Variants in LITAF observed in about 807,000 individuals in gnomAD.
LITAF encodes the protein lipopolysaccharide-induced tumor necrosis factor-alpha factor.
Under a neutral mutation model 14.5 loss-of-function variants are expected in LITAF, and 9 were observed. That is an observed-to-expected ratio of 0.62 (90% CI 0.37 to 1.08). The LOEUF (loss-of-function observed/expected upper bound fraction) is 1.08. Ranked by LOEUF, LITAF falls within the 50% of genes least tolerant of loss-of-function variation. LITAF has a pLI of 0.01. For synonymous variants in LITAF, 98 were observed against 88.2 expected (o/e 1.11, Z -0.62); for missense variants, 206 against 213.4 (o/e 0.97, Z 0.22).
intron 1 of LITAF, among the ~76,000 whole-genome samples, chr16:11,580,738 TGCCTCC>T (rs1189598848): frequency 2.0e-5 from 3 of 152,170 alleles, no homozygotes; most frequent in Non-Finnish European, 4.4e-5. Context: ...TATCACCACC[TGCCTCC>T]AGGAGCCCCA....
intron 1 of LITAF, among the ~76,000 whole-genome samples, chr16:11,570,638 G>A (rs1347920865): frequency 6.6e-6 from 1 of 152,144 alleles, no homozygotes; most frequent in African/African-American, 2.4e-5. Context: ...GAGATGAGGG[G>A]GTTATTCTGG....
At chr16:11,593,662 A>G (rs1197617494) in intron 1 of LITAF, among the ~76,000 whole-genome samples, 1 of 152,214 alleles carries the variant, frequency 6.6e-6, no homozygotes, top group Non-Finnish European at 1.5e-5. Flanking sequence ...GAATTGAATG[A>G]TTTGGCCATA....
chr16:11,593,192 AT>A (rs2064858380), intron 1 of LITAF, among the ~76,000 whole-genome samples: 2 of 150,696 alleles, frequency 1.3e-5, no homozygotes, highest in South Asian at 4.2e-4. Context: ...ATAAATAAAA[AT>A]AAAAATACAA....
At chr16:11,614,051 T>C (rs1263173483) in intron 3 of LITAF, among the ~76,000 whole-genome samples, 2 of 152,174 alleles carry the variant, frequency 1.3e-5, no homozygotes, top group Admixed American at 6.5e-5. Flanking sequence ...GTTGTGCCCA[T>C]TGTACAGACG....
At chr16:11,623,349 G>A (rs2065062918) in intron 3 of LITAF, among the ~76,000 whole-genome samples, 1 of 151,920 alleles carries the variant, frequency 6.6e-6, no homozygotes, top group East Asian at 1.9e-4. Context: ...CTGAATCCAG[G>A]AGCACAAATG....
intron 3 of LITAF, among the ~76,000 whole-genome samples, chr16:11,619,010 CAAA>C (rs1056871069): frequency 6.7e-6 from 1 of 148,912 alleles, no homozygotes; most frequent in Non-Finnish European, 1.5e-5. Context: ...AACAAACAAA[CAAA>C]AAAAACCCCA....
At chr16:11,566,635 CAT>C (rs771328517) in intron 1 of LITAF, among the ~76,000 whole-genome samples, 11 of 152,180 alleles carry the variant, frequency 7.2e-5, no homozygotes, top group South Asian at 4.1e-4. Context: ...CGTGATGGCA[CAT>C]GTCTATAGTC....
intron 1 of LITAF, chr16:11,561,091 G>A (rs1192745545): frequency 2.6e-5 from 4 of 152,306 alleles, no homozygotes; most frequent in African/African-American, 9.6e-5. Flanking sequence ...CGCCGTCACA[G>A]CCCCAGACCC....
chr16:11,594,446 C>G (rs2141854696), intron 1 of LITAF, among the ~76,000 whole-genome samples: 1 of 152,184 alleles, frequency 6.6e-6, no homozygotes, highest in Middle Eastern at 3.4e-3. Flanking sequence ...TGGGTGTACT[C>G]TGAAACTTCA....
intron 3 of LITAF, chr16:11,629,323 A>T (rs1355197528): frequency 6.6e-6 from 1 of 152,302 alleles, no homozygotes. Context: ...TGTGATGGAG[A>T]TGTGGGTGCA....
At chr16:11,585,931 C>A (rs1303239682) in intron 1 of LITAF, among the ~76,000 whole-genome samples, 1 of 152,216 alleles carries the variant, frequency 6.6e-6, no homozygotes, top group Admixed American at 6.5e-5. Flanking sequence ...GTCCAACTAG[C>A]CTGGTCCCTG....
At chr16:11,578,853 GA>G (rs1253240494) in intron 1 of LITAF, among the ~76,000 whole-genome samples, 4 of 152,208 alleles carry the variant, frequency 2.6e-5, no homozygotes, top group Non-Finnish European at 5.9e-5. Flanking sequence ...GCAAGACTGA[GA>G]AACTAACATA....
At chr16:11,552,120 T>G (rs868862549) in intron 3 of LITAF, among the ~76,000 whole-genome samples, 1 of 152,120 alleles carries the variant, frequency 6.6e-6, no homozygotes, top group African/African-American at 2.4e-5. Flanking sequence ...TTGTTCCTTC[T>G]CAACCTCAAG....
intron 1 of LITAF, among the ~76,000 whole-genome samples, chr16:11,582,372 G>A (rs1481280024): frequency 6.6e-6 from 1 of 150,632 alleles, no homozygotes; most frequent in Non-Finnish European, 1.5e-5. Flanking sequence ...ACATGTGGGT[G>A]GTAAACTCTT....
chr16:11,613,717 A>C (rs181316931), intron 3 of LITAF, among the ~76,000 whole-genome samples: 90 of 152,266 alleles, frequency 5.9e-4, no homozygotes, highest in African/African-American at 2.1e-3. Context: ...AGCCGGACGG[A>C]GGGTGTGGCG....
upstream of LITAF, among the ~76,000 whole-genome samples, chr16:11,637,904 A>AC (rs2065144741): frequency 1.6e-5 from 1 of 60,754 alleles, no homozygotes; most frequent in African/African-American, 1.5e-4. Flanking sequence ...AAAACTATAT[A>AC]TATATATATC....
At position 11,557,993 on chromosome 16, in the gene LITAF, G is replaced by T. The variant is rs554920244; in HGVS notation, c.-5-1258C>A. On this transcript the variant is annotated intron_variant, in intron 1 of 3. Transcript: ENST00000622633. Reference sequence around the variant, plus strand: ...GGAAGCAGACACAGTGCTGTTCTTTGTGTGGCTGTTTTTCTAACTGGGCAG... The same window carrying T: ...GGAAGCAGACACAGTGCTGTTCTTTTTGTGGCTGTTTTTCTAACTGGGCAG... Among the ~76,000 whole-genome samples, 4 of 152,288 alleles carry T rather than the reference G, an allele frequency of 2.6e-5. No homozygotes were observed. In the South Asian group the frequency reaches 8.3e-4, roughly 32 times the overall value.
intron 1 of LITAF, among the ~76,000 whole-genome samples, chr16:11,571,792 G>A (rs192527966): frequency 4.5e-4 from 68 of 152,216 alleles, no homozygotes; most frequent in Middle Eastern, 3.4e-3. Flanking sequence ...CTCTTTTCCT[G>A]AGGTCTCCTA....
intron 3 of LITAF, among the ~76,000 whole-genome samples, chr16:11,628,602 C>A (rs1460861067): frequency 6.6e-6 from 1 of 152,168 alleles, no homozygotes; most frequent in African/African-American, 2.4e-5. Flanking sequence ...CTCCTAGGGT[C>A]AAGGGATCTT....
Sources: allele counts gnomAD v4.1 joint callset (sites outside exome capture counted in the v4.1 genomes callset), GRCh38; gene constraint gnomAD v4.1.1; transcripts MANE v1.5; gene names NCBI Gene and HGNC (gene_info 2026-07-23, HGNC 2026-07-21).